The following SEMA3F variants were observed in gnomAD, a reference collection of about 807,000 sequenced individuals.
SEMA3F encodes semaphorin-3F.
A neutral mutation model predicts 98.5 loss-of-function variants in SEMA3F; 30 were observed. The observed-to-expected ratio is 0.30, with a 90% CI of 0.23 to 0.41. The LOEUF (loss-of-function observed/expected upper bound fraction) is 0.41, where lower values mean the gene tolerates loss of function less well. Ranked by LOEUF, SEMA3F falls within the 10% of genes least tolerant of loss-of-function variation. The probability of loss-of-function intolerance (pLI) is 1.00; values close to 1 mark genes in which losing one functional copy is unlikely to be tolerated. For missense variants in SEMA3F, 866 were observed against 1,119.3 expected (o/e 0.77, Z 3.23); for synonymous variants, 380 against 444.8 (o/e 0.85, Z 1.83).
In SEMA3F at chr3:50,182,478, T is replaced by G. The variant is rs940987186; in HGVS notation, c.763+75T>G. 89 of 1,598,804 alleles carry G rather than the reference T, an allele frequency of 5.6e-5. No individual in the cohort carries two copies. The highest frequency in any genetic ancestry group is 7.3e-5 in the Non-Finnish European group (86 of 1,172,704). On this transcript the variant is annotated intron_variant, in intron 8 of 18. Coordinates refer to ENST00000002829, the MANE Select transcript of SEMA3F (RefSeq NM_004186.5). This position sits in a 1 kb window ranked among gnomAD's most constrained non-coding sequence, Gnocchi z 4.5. The stretch of plus-strand genomic sequence containing the variant: ...CAAGGAGGTCGTAAAGAAGCACATG[T>G]GGGGGAAGTGGGGACATGTTTAGCC...
intron 2 of SEMA3F, among the ~76,000 whole-genome samples, chr3:50,165,896 C>T (rs974701732): frequency 5.3e-5 from 8 of 152,190 alleles, no homozygotes; most frequent in African/African-American, 1.9e-4. Context: ...GGCTGCTGGC[C>T]TAGGATTGGG....
At chr3:50,169,198 G>A (rs1698513471) in intron 2 of SEMA3F, among the ~76,000 whole-genome samples, 1 of 152,186 alleles carries the variant, frequency 6.6e-6, no homozygotes, top group Non-Finnish European at 1.5e-5. Flanking sequence ...CCCACTTGGG[G>A]TCTTCGGGTG....
At position 50,186,292 on chromosome 3, in the gene SEMA3F, G is replaced by A. The variant is rs1699209697; in HGVS notation, c.1757G>A (p.Arg586Gln). Residue 586 changes from arginine to glutamine, a missense_variant, in exon 17 of 19, where the codon CGG becomes CAG. Physicochemically the swap from Arg to Gln is conservative, Grantham distance 43. Transcript: ENST00000002829. ...CTATCCTCATCCAGGCGGAGCCGCC[G>A]GCAGGACGTCCGGCACGGAAACCCC... ...YTASSKRRSRRQDVRHGNPIR... is the reference protein window; with the variant it reads ...YTASSKRRSRQQDVRHGNPIR... 3.1e-6 allele frequency: 5 copies of A among 1,613,794 alleles called. No homozygotes were observed. Among genetic ancestry groups the A allele is most frequent in the South Asian group, 1.1e-5 (1 of 91,074 alleles).
At chr3:50,178,511 A>G (rs990528614) in intron 7 of SEMA3F, among the ~76,000 whole-genome samples, 2 of 151,996 alleles carry the variant, frequency 1.3e-5, no homozygotes, top group Admixed American at 6.5e-5. Flanking sequence ...ACTTGAGGTC[A>G]GGAGTTCGAG....
intron 13 of SEMA3F, among the ~76,000 whole-genome samples, chr3:50,185,144 C>T (rs1559738629): frequency 2.0e-5 from 3 of 152,198 alleles, no homozygotes; most frequent in Admixed American, 2.0e-4. Flanking sequence ...TGTGCACACA[C>T]ATGCCACAGT....
At chr3:50,183,691 C>A in intron 12 of SEMA3F, 127 bp downstream of exon 12, 1 of 972,962 alleles carries the variant, frequency 1.0e-6, no homozygotes, top group Non-Finnish European at 1.5e-6. Context: ...AGCTGTAATG[C>A]ACACACAGAC....
chr3:50,187,956 G>T lies in SEMA3F; in HGVS notation c.2199G>T (p.Leu733=), dbSNP rs140809943. Residue 733 remains leucine, a synonymous_variant, in exon 19 of 19, where the codon CTG becomes CTT. Transcript: ENST00000002829. ...PTPPYQELAQ[L]LAQPEVGLIH... ...CTCCTTACCAGGAGTTAGCCCAGCT[G>T]CTGGCCCAGCCAGAAGTGGGCCTCA... 9.4e-4 allele frequency: 1,510 copies of T among 1,608,814 alleles called. 6 individuals are homozygous for T. The highest frequency in any genetic ancestry group is 8.3e-3 in the Middle Eastern group (50 of 6,048).
intron 2 of SEMA3F, among the ~76,000 whole-genome samples, chr3:50,167,835 TC>T (rs1211931220): frequency 6.6e-6 from 1 of 152,156 alleles, no homozygotes; most frequent in Non-Finnish European, 1.5e-5. Context: ...GTGGTGCCTG[TC>T]CCCTTGGCCT....
chr3:50,186,804 TGTAG>T, intron 18 of SEMA3F, 58 bp downstream of exon 18: 1 of 1,490,390 alleles, frequency 6.7e-7, no homozygotes, highest in South Asian at 1.3e-5. Flanking sequence ...AGTGGTGAAA[TGTAG>T]TAGAGGAGTG....
chr3:50,182,174 C>A lies in SEMA3F; in HGVS notation c.644-110C>A. 7.2e-7 allele frequency: 1 copy of A among 1,380,176 alleles called. No homozygotes were observed. Among genetic ancestry groups the A allele is most frequent in the Non-Finnish European group, 1.0e-6 (1 of 982,720 alleles). 85.5% of individuals were successfully genotyped at this position (1,380,176 alleles called of 1,614,324 possible). On this transcript the variant is annotated intron_variant, in intron 7 of 18. Coordinates refer to ENST00000002829, the MANE Select transcript of SEMA3F (RefSeq NM_004186.5). This position sits in a 1 kb window ranked among gnomAD's most constrained non-coding sequence, Gnocchi z 4.5. ...GCACTCCACTGGAGATAGGATCATG[C>A]CCCAGGGAGCCTGAGCGGGGAGATA... is the stretch of plus-strand genomic sequence containing the variant.
intron 2 of SEMA3F, among the ~76,000 whole-genome samples, chr3:50,171,614 G>C (rs957917375): frequency 1.3e-5 from 2 of 152,126 alleles, no homozygotes; most frequent in Non-Finnish European, 2.9e-5. Context: ...GTCCCAGCCT[G>C]GGGGGGCTCC....
Position 50,186,000 on chromosome 3 carries a change from G to C in SEMA3F, c.1699G>C (p.Ala567Pro). ...CTGCCTTGCCCGGGACCCTTACTGTGCCTGGGATGGCCAGGCCTGCTCCCG... is the reference window on the plus strand; with the variant it reads ...CTGCCTTGCCCGGGACCCTTACTGTCCCTGGGATGGCCAGGCCTGCTCCCG... Reference protein sequence around the residue: ...DCCLARDPYCAWDGQACSRYT... With the variant: ...DCCLARDPYCPWDGQACSRYT... The change falls in exon 16 of 19, where the codon GCC becomes CCC. Residue 567 changes from alanine to proline, a missense_variant. Ala to Pro is a conservative substitution (Grantham distance 27). Transcript: ENST00000002829. The C allele has an allele frequency of 6.2e-7, 1 of 1,614,048 alleles. No individual in the cohort carries two copies. Among genetic ancestry groups the C allele is most frequent in the South Asian group, 1.1e-5 (1 of 91,084 alleles).
At chr3:50,177,607 A>T (rs1159871885) in intron 7 of SEMA3F, among the ~76,000 whole-genome samples, 1 of 152,228 alleles carries the variant, frequency 6.6e-6, no homozygotes, top group Non-Finnish European at 1.5e-5. Context: ...GCACAGCCCA[A>T]ATCACTCTGA....
intron 6 of SEMA3F, among the ~76,000 whole-genome samples, chr3:50,176,536 A>G (rs1207492575): frequency 6.6e-6 from 1 of 152,154 alleles, no homozygotes; most frequent in Non-Finnish European, 1.5e-5. Flanking sequence ...CTTGGTCCCC[A>G]GGTCTTCCCT....
In SEMA3F at chr3:50,182,425, C is replaced by T. The variant is rs775643504; in HGVS notation, c.763+22C>T. Reference sequence around the variant, plus strand: ...AACGGTAAGCGCAGCCCCAGGAGCCCTTCCGTGGCCATGTGTCTGGGATGC... The same window carrying T: ...AACGGTAAGCGCAGCCCCAGGAGCCTTTCCGTGGCCATGTGTCTGGGATGC... On this transcript the variant is annotated intron_variant, in intron 8 of 18. Coordinates refer to ENST00000002829, the MANE Select transcript of SEMA3F (RefSeq NM_004186.5). This position sits in a 1 kb window ranked among gnomAD's most constrained non-coding sequence, Gnocchi z 4.5. The T allele has an allele frequency of 1.9e-6, 3 of 1,612,462 alleles. No homozygotes were observed. Among genetic ancestry groups the T allele is most frequent in the South Asian group, 1.1e-5 (1 of 91,070 alleles).
At chr3:50,159,100 C>T (rs73080980) in intron 1 of SEMA3F, 25,554 of 153,088 alleles carry the variant, frequency 0.17, 2,515 homozygotes, top group South Asian at 0.4. Flanking sequence ...TCCCCTCTAC[C>T]GTAATAATCA....
At chr3:50,168,905 C>G (rs1055267702) in intron 2 of SEMA3F, among the ~76,000 whole-genome samples, 14 of 152,328 alleles carry the variant, frequency 9.2e-5, no homozygotes, top group Non-Finnish European at 2.1e-4. Flanking sequence ...GGTGCCTCCC[C>G]TTGTCCCCCA....
chr3:50,159,703 G>C lies in SEMA3F; in HGVS notation c.81G>C (p.Pro27=), dbSNP rs565256754. The C allele has an allele frequency of 1.9e-6, 3 of 1,612,466 alleles. No homozygotes were observed. The East Asian group carries it at 6.7e-5, about 36-fold the overall frequency. ...CCTTCCCCACCCAGGACCACCTCCCGGCCACGCCCCGGGTCCGGCTCTCAT... is the reference window on the plus strand; with the variant it reads ...CCTTCCCCACCCAGGACCACCTCCCCGCCACGCCCCGGGTCCGGCTCTCAT... ...WPSFPTQDHL[P]ATPRVRLSFK... Residue 27 remains proline, a synonymous_variant, in exon 2 of 19, where the codon CCG becomes CCC. Transcript: ENST00000002829.
rs527674548 is a variant in SEMA3F at position 50,156,661 on chromosome 3, C to T, written c.-49+1097C>T. 1.4e-4 allele frequency among the ~76,000 whole-genome samples: 22 copies of T among 152,302 alleles called. No homozygotes were observed. In the East Asian group the frequency reaches 3.1e-3, roughly 21 times the overall value. On this transcript the variant is annotated intron_variant, in intron 1 of 18. Coordinates refer to ENST00000002829, the MANE Select transcript of SEMA3F (RefSeq NM_004186.5). This position sits in a 1 kb window ranked among gnomAD's most constrained non-coding sequence, Gnocchi z 4.5. Reference sequence around the variant, plus strand: ...AGGCTACCCAAGGGGTGTGCCAGGACCCCGTAGGGTATAGTGTCTAGGCAG... The same window carrying T: ...AGGCTACCCAAGGGGTGTGCCAGGATCCCGTAGGGTATAGTGTCTAGGCAG...
Sources: allele counts gnomAD v4.1 joint callset (sites outside exome capture counted in the v4.1 genomes callset), GRCh38; gene constraint gnomAD v4.1.1; non-coding constraint Gnocchi (gnomAD v3.1); transcripts MANE v1.5; gene names NCBI Gene and HGNC (gene_info 2026-07-23, HGNC 2026-07-21).